PSD3: variants seen among roughly 807,000 people sequenced by gnomAD.
PSD3 encodes pleckstrin and Sec7 domain containing 3.
PSD3 carries 49 observed loss-of-function variants against 105.5 expected under a neutral mutation model. That is an observed-to-expected ratio of 0.46 (90% CI 0.37 to 0.59). The LOEUF (loss-of-function observed/expected upper bound fraction) is 0.59, where lower values mean the gene tolerates loss of function less well. Among genes scored for constraint, PSD3 ranks in the 20% least tolerant of loss-of-function variants. The pLI is 0.00. For synonymous variants in PSD3, 557 were observed against 457.8 expected (o/e 1.22, Z -2.77); for missense variants, 1,561 against 1,263.8 (o/e 1.24, Z -3.57).
chr8:18,578,528 T>C (rs530248040), intron 12 of PSD3, among the ~76,000 whole-genome samples: 2 of 152,178 alleles, frequency 1.3e-5, no homozygotes, highest in East Asian at 3.9e-4. Flanking sequence ...GTTGGGATGG[T>C]TTGAACTCCA....
chr8:18,704,286 T>A (rs1801761117), intron 9 of PSD3, among the ~76,000 whole-genome samples: 1 of 152,206 alleles, frequency 6.6e-6, no homozygotes. Context: ...GAGGACCAGT[T>A]CTAGCAAGAT....
intron 14 of PSD3, among the ~76,000 whole-genome samples, chr8:18,559,251 CTTTG>C (rs1429757945): frequency 6.6e-6 from 1 of 152,086 alleles, no homozygotes; most frequent in Non-Finnish European, 1.5e-5. Flanking sequence ...TGAAAGTTCT[CTTTG>C]TTTTACATTC....
intron 4 of PSD3, chr8:18,808,704 TGCTCCTTTTAAATCAGAAA>T: frequency 6.2e-7 from 1 of 1,612,314 alleles, no homozygotes; most frequent in Non-Finnish European, 8.5e-7. Context: ...GAACCGGAAT[TGCTCCTTTTAAATCAGAAA>T]GCTTGACAAT....
intron 11 of PSD3, among the ~76,000 whole-genome samples, chr8:18,612,602 C>A (rs1470938131): frequency 6.6e-6 from 1 of 152,098 alleles, no homozygotes; most frequent in Non-Finnish European, 1.5e-5. Flanking sequence ...GATCTCCTGA[C>A]CTCGTGATCC....
exon 1 of PSD3, chr8:19,084,532 T>C: frequency 2.4e-6 from 1 of 410,356 alleles, no homozygotes; most frequent in Non-Finnish European, 5.0e-6. Context: ...TCACTCATGA[T>C]GGGAGCTGGG....
chr8:18,858,878 T>C (rs576672788), intron 4 of PSD3, among the ~76,000 whole-genome samples: 3 of 152,198 alleles, frequency 2.0e-5, no homozygotes, highest in African/African-American at 7.2e-5. Context: ...AGGTTGGAAT[T>C]AACATCTTCC....
chr8:19,028,299 C>CCCCCCCCTT (rs1563517980), intron 1 of PSD3, among the ~76,000 whole-genome samples: 1 of 96,182 alleles, frequency 1.0e-5, no homozygotes, highest in Admixed American at 1.1e-4. Context: ...CCGGCCCACC[C>CCCCCCCCTT]TTTTTTTTTT....
At chr8:18,911,216 A>G (rs150869773) in intron 2 of PSD3, among the ~76,000 whole-genome samples, 7,540 of 152,314 alleles carry the variant, frequency 0.05, 208 homozygotes, top group Admixed American at 0.081. Flanking sequence ...CCACAGGGAG[A>G]CACAGACACA....
rs187669806 is a variant in PSD3, at chr8:18,793,752, G to C, written c.2082+5543C>G. 2.4e-4 allele frequency among the ~76,000 whole-genome samples: 36 copies of C among 152,264 alleles called. No individual in the cohort carries two copies. In the East Asian group the frequency reaches 5.0e-3, roughly 21 times the overall value. On this transcript the variant is annotated intron_variant, in intron 8 of 15. Coordinates refer to ENST00000327040, the MANE Select transcript of PSD3 (RefSeq NM_015310.4). ...GATACAGAGAAGCACAGACAGAAGA[G>C]GTATCCACAGGGAAGATATTATCCT...
intron 4 of PSD3, among the ~76,000 whole-genome samples, chr8:18,836,034 T>C (rs1015297395): frequency 7.9e-5 from 12 of 152,086 alleles, no homozygotes; most frequent in Admixed American, 2.6e-4. Context: ...TGAATGAGAG[T>C]AGCATTCAGA....
At chr8:18,575,680 A>G (rs187825432) in intron 12 of PSD3, among the ~76,000 whole-genome samples, 2 of 152,242 alleles carry the variant, frequency 1.3e-5, no homozygotes, top group East Asian at 3.8e-4. Flanking sequence ...GCACAACCTT[A>G]CAGGTAACTG....
rs570951230 is a variant in PSD3 at position 18,534,788 on chromosome 8, C to G, written c.*955G>C. Reference sequence around the variant, plus strand: ...AGACCTCAATATCACAACCAGGACACAACCCCATGCCCACACACGCACACA... The same window carrying G: ...AGACCTCAATATCACAACCAGGACAGAACCCCATGCCCACACACGCACACA... On this transcript the variant is annotated 3_prime_UTR_variant, in exon 16 of 16. Coordinates refer to ENST00000327040, the MANE Select transcript of PSD3 (RefSeq NM_015310.4). 6.5e-6 allele frequency: 1 copy of G among 152,672 alleles called. No individual in the cohort carries two copies. Among genetic ancestry groups the G allele is most frequent in the East Asian group, 1.9e-4 (1 of 5,172 alleles). The allele number at this position is 152,672 out of a possible 1,614,324, so 9.5% of individuals were successfully genotyped here.
chr8:18,873,606 T>C (rs1817535861), intron 2 of PSD3, among the ~76,000 whole-genome samples: 1 of 152,180 alleles, frequency 6.6e-6, no homozygotes, highest in Non-Finnish European at 1.5e-5. Context: ...CTTACTCTTC[T>C]AGCAATTTTC....
chr8:18,938,483 C>A (rs778819562), intron 1 of PSD3, among the ~76,000 whole-genome samples: 2 of 152,046 alleles, frequency 1.3e-5, no homozygotes, highest in Non-Finnish European at 2.9e-5. Context: ...ATTGGCCAGG[C>A]GTGGAGCCAT....
chr8:18,943,594 G>T (rs183180971), intron 1 of PSD3, among the ~76,000 whole-genome samples: 1 of 152,108 alleles, frequency 6.6e-6, no homozygotes, highest in African/African-American at 2.4e-5. Flanking sequence ...TTGAAGTGAA[G>T]GAAAAGGGAG....
chr8:18,724,876 G>T (rs1470287882), intron 9 of PSD3, among the ~76,000 whole-genome samples: 1 of 152,118 alleles, frequency 6.6e-6, no homozygotes, highest in East Asian at 1.9e-4. Context: ...TGTGGTCAAA[G>T]AACAATCGTA....
intron 13 of PSD3, among the ~76,000 whole-genome samples, chr8:18,572,999 A>G (rs923239931): frequency 3.3e-5 from 5 of 152,196 alleles, no homozygotes; most frequent in Admixed American, 2.6e-4. Flanking sequence ...AAATTTACTC[A>G]TCTCTTCTAA....
At chr8:18,958,421 C>G (rs995448488) in intron 1 of PSD3, among the ~76,000 whole-genome samples, 7 of 151,994 alleles carry the variant, frequency 4.6e-5, no homozygotes, top group Non-Finnish European at 1.0e-4. Context: ...TTTTTGTTTA[C>G]TTTCTTTTGG....
chr8:18,600,888 T>A (rs1472012378), intron 11 of PSD3, among the ~76,000 whole-genome samples: 1 of 152,176 alleles, frequency 6.6e-6, no homozygotes, highest in African/African-American at 2.4e-5. Flanking sequence ...AGTCTCAGAA[T>A]ATGAAAGGAC....
Sources: gnomAD v4.1 joint callset for allele counts (sites outside exome capture counted in the v4.1 genomes callset) on GRCh38, gnomAD v4.1.1 for gene constraint, MANE v1.5 for transcripts, NCBI Gene and HGNC (gene_info 2026-07-23, HGNC 2026-07-21) for gene names.